Variants in MAGI2 observed in about 807,000 individuals in gnomAD.
The protein encoded by MAGI2 is membrane-associated guanylate kinase, WW and PDZ domain-containing protein 2.
Under a neutral mutation model 133.3 loss-of-function variants are expected in MAGI2, and 35 were observed. The observed-to-expected ratio is 0.26, with a 90% CI of 0.20 to 0.35. The LOEUF (loss-of-function observed/expected upper bound fraction) is 0.35, where lower values mean the gene tolerates loss of function less well. MAGI2 is among the 10% of genes least tolerant of loss of function. The pLI is 1.00. For missense variants in MAGI2, 1,636 were observed against 1,863.4 expected (o/e 0.88, Z 2.25); for synonymous variants, 729 against 710.6 (o/e 1.03, Z -0.41).
chr7:78,836,815 C>T (rs1380721481), intron 2 of MAGI2, among the ~76,000 whole-genome samples: 2 of 152,132 alleles, frequency 1.3e-5, no homozygotes, highest in Non-Finnish European at 2.9e-5. Flanking sequence ...GTGCTGAACC[C>T]TGTATGCCGA....
intron 2 of MAGI2, among the ~76,000 whole-genome samples, chr7:78,835,121 G>A (rs2151450570): frequency 6.6e-6 from 1 of 152,290 alleles, no homozygotes; most frequent in East Asian, 1.9e-4. Flanking sequence ...AGGTCATATA[G>A]TAACTCTATG....
chr7:79,298,222 G>T (rs1837100801), intron 1 of MAGI2, among the ~76,000 whole-genome samples: 3 of 152,062 alleles, frequency 2.0e-5, no homozygotes, highest in Admixed American at 2.0e-4. Flanking sequence ...GTTTTAATGA[G>T]GGCAATTTAT....
chr7:79,219,550 G>A (rs2129553357), intron 1 of MAGI2, among the ~76,000 whole-genome samples: 1 of 152,030 alleles, frequency 6.6e-6, no homozygotes, highest in East Asian at 1.9e-4. Flanking sequence ...GATTGCTTTT[G>A]TATTTTGTCA....
chr7:78,168,665 A>T (rs1436817703), intron 14 of MAGI2, among the ~76,000 whole-genome samples: 7 of 152,190 alleles, frequency 4.6e-5, no homozygotes, highest in Admixed American at 4.6e-4. Context: ...AATCAGACCT[A>T]CTTCATGGAG....
intron 9 of MAGI2, among the ~76,000 whole-genome samples, chr7:78,265,702 G>C (rs1463790617): frequency 6.6e-6 from 1 of 152,164 alleles, no homozygotes; most frequent in Non-Finnish European, 1.5e-5. Flanking sequence ...CAAAACTCTA[G>C]TTACAAAAAT....
At chr7:78,581,712 G>C (rs1165787176) in intron 3 of MAGI2, among the ~76,000 whole-genome samples, 1 of 152,146 alleles carries the variant, frequency 6.6e-6, no homozygotes, top group African/African-American at 2.4e-5. Flanking sequence ...ATACAAATTT[G>C]GTTAAGTTTT....
intron 6 of MAGI2, among the ~76,000 whole-genome samples, chr7:78,453,646 G>T (rs1788973179): frequency 6.6e-6 from 1 of 152,120 alleles, no homozygotes; most frequent in Admixed American, 6.5e-5. Context: ...TCCCCATTGG[G>T]TGGCCAGTGC....
At chr7:78,726,806 T>A (rs1563416561) in intron 2 of MAGI2, among the ~76,000 whole-genome samples, 1 of 152,202 alleles carries the variant, frequency 6.6e-6, no homozygotes, top group Non-Finnish European at 1.5e-5. Flanking sequence ...TAAAGATCTA[T>A]GTAATATGTA....
At chr7:79,064,526 TAAAG>T (rs1002518839) in intron 1 of MAGI2, among the ~76,000 whole-genome samples, 1 of 152,092 alleles carries the variant, frequency 6.6e-6, no homozygotes, top group Non-Finnish European at 1.5e-5. Context: ...GTCCGAATCA[TAAAG>T]AATCAATCTA....
At chr7:78,819,059 TAA>T (rs1789855300) in intron 2 of MAGI2, among the ~76,000 whole-genome samples, 2 of 152,136 alleles carry the variant, frequency 1.3e-5, no homozygotes, top group Non-Finnish European at 2.9e-5. Context: ...ATATTCATAA[TAA>T]AAGTGTGGTG....
intron 3 of MAGI2, among the ~76,000 whole-genome samples, chr7:78,547,800 G>A (rs1053383567): frequency 2.0e-5 from 3 of 152,198 alleles, no homozygotes; most frequent in Non-Finnish European, 4.4e-5. Flanking sequence ...CATGGACAGT[G>A]GCTTCAGCCT....
intron 1 of MAGI2, among the ~76,000 whole-genome samples, chr7:79,450,071 CCTTTT>C (rs1849138105): frequency 6.6e-6 from 1 of 151,740 alleles, no homozygotes; most frequent in South Asian, 2.1e-4. Flanking sequence ...TCAAATCTTA[CCTTTT>C]CTTTATAAAA....
chr7:78,448,696 T>G (rs970550304), intron 6 of MAGI2, among the ~76,000 whole-genome samples: 8 of 152,126 alleles, frequency 5.3e-5, no homozygotes, highest in African/African-American at 9.7e-5. Context: ...AGCTCCATTC[T>G]CTATATTTTA....
chr7:78,570,224 T>C (rs745840072), intron 3 of MAGI2, among the ~76,000 whole-genome samples: 6 of 152,198 alleles, frequency 3.9e-5, no homozygotes, highest in Non-Finnish European at 7.4e-5. Context: ...TTCAACGTGT[T>C]TCTACAGTTT....
chr7:78,227,220 TGTC>T (rs1443699346), intron 10 of MAGI2, among the ~76,000 whole-genome samples: 1 of 152,246 alleles, frequency 6.6e-6, no homozygotes, highest in African/African-American at 2.4e-5. Flanking sequence ...TCCACATTGT[TGTC>T]AGTCATTTTT....
intron 1 of MAGI2, among the ~76,000 whole-genome samples, chr7:79,010,758 G>A (rs1254612930): frequency 6.6e-6 from 1 of 151,656 alleles, no homozygotes; most frequent in Admixed American, 6.6e-5. Flanking sequence ...AATAACTATT[G>A]ACTTATTTAG....
chr7:79,439,190 T>C (rs1395630826), intron 1 of MAGI2, among the ~76,000 whole-genome samples: 1 of 152,114 alleles, frequency 6.6e-6, no homozygotes, highest in Non-Finnish European at 1.5e-5. Flanking sequence ...ACTCAAGCTT[T>C]AGTGACAATC....
chr7:78,284,133 A>G (rs1378259017), intron 9 of MAGI2, among the ~76,000 whole-genome samples: 1 of 152,154 alleles, frequency 6.6e-6, no homozygotes, highest in Non-Finnish European at 1.5e-5. Flanking sequence ...CACACACAGT[A>G]TATAACATGG....
At chr7:78,475,807 A>G (rs1258829481) in intron 6 of MAGI2, among the ~76,000 whole-genome samples, 2 of 151,932 alleles carry the variant, frequency 1.3e-5, no homozygotes, top group African/African-American at 4.8e-5. Context: ...AGGTCACCAA[A>G]TGAAGCAATC....
Sources: gnomAD v4.1 joint callset for allele counts (sites outside exome capture counted in the v4.1 genomes callset) on GRCh38, gnomAD v4.1.1 for gene constraint, MANE v1.5 for transcripts, NCBI Gene and HGNC (gene_info 2026-07-23, HGNC 2026-07-21) for gene names.